The following FLNA variants were observed in gnomAD, a reference collection of about 807,000 sequenced individuals.
FLNA encodes the protein filamin A.
A neutral mutation model predicts 157.6 loss-of-function variants in FLNA; 7 were observed. The observed-to-expected ratio is 0.04, with a 90% CI of 0.03 to 0.08. FLNA has a LOEUF of 0.08. Among genes scored for constraint, FLNA ranks in the 10% least tolerant of loss-of-function variants. The pLI is 1.00. For missense variants in FLNA, 1,750 were observed against 2,398.4 expected, an observed-to-expected ratio of 0.73 and a Z score of 5.65; for synonymous variants, 1,103 against 1,060.8, an observed-to-expected ratio of 1.04 and a Z score of -0.77.
chrX:154,363,886 G>A (rs782266959), intron 15 of FLNA, 136 bp downstream of exon 15: 12 of 654,127 alleles, frequency 1.8e-5, no homozygotes, highest in Non-Finnish European at 2.5e-5. Context: ...AGCCACAGCA[G>A]AAAGCAGGTT....
At position 154,362,402 on chromosome X, in the gene FLNA, G is replaced by A; in HGVS notation, c.2565+16C>T. 8.3e-7 allele frequency: 1 copy of A among 1,211,305 alleles called. No individual in the cohort carries two copies. Among genetic ancestry groups the A allele is most frequent in the Non-Finnish European group, 1.1e-6 (1 of 895,099 alleles). On this transcript the variant is annotated intron_variant, in intron 17 of 47. Transcript: ENST00000369850. ...ATCCGCAATGACATCTTAGCGGCCA[G>A]GAGCGCAGCACCCACCTGGTCAGCA...
rs1557178305 is a variant in FLNA at position 154,362,570 on chromosome X, T to C, written c.2413A>G (p.Ser805Gly). 1 of 1,211,092 alleles carries C rather than the reference T, an allele frequency of 8.3e-7. No homozygotes were observed. The change falls in exon 17 of 48, where the codon AGC becomes GGC. Residue 805 changes from serine to glycine, a missense_variant. Ser to Gly is a moderately conservative substitution (Grantham distance 56). Coordinates refer to ENST00000369850, the MANE Select transcript of FLNA (RefSeq NM_001110556.2). ...CCAGGGGCACACTTGATGCCGATGC[T>C]GACGTCCCCTGCGGCGGGGAGAGGA... is the stretch of plus-strand genomic sequence containing the variant. Reference protein sequence around the residue: ...DCAEAGQGDVSIGIKCAPGVV... With the variant: ...DCAEAGQGDVGIGIKCAPGVV...
rs782563616 is a variant in FLNA at position 154,349,733 on chromosome X, T to C, written c.7468A>G (p.Met2490Val). ...GAGATGAGGTAGCTGCCAGGTGCCATGGGGGTATAGGTGACGCGGTAGCCC... is the reference window on the plus strand; with the variant it reads ...GAGATGAGGTAGCTGCCAGGTGCCACGGGGGTATAGGTGACGCGGTAGCCC... ...PEGYRVTYTP[M>V]APGSYLISIK... The change falls in exon 46 of 48, where the codon ATG (methionine) becomes GTG (valine). Residue 2490 changes from methionine to valine, a missense_variant. Around this residue, in one of 5 missense-constraint regions of FLNA, gnomAD observed 970 missense variants for 1,302.6 expected, o/e 0.74. Coordinates refer to ENST00000369850, the MANE Select transcript of FLNA (RefSeq NM_001110556.2). 9.9e-6 allele frequency: 12 copies of C among 1,210,330 alleles called. No homozygotes were observed. The highest frequency in any genetic ancestry group is 4.6e-4 in the Middle Eastern group (2 of 4,357).
chrX:154,354,567 A>G, intron 32 of FLNA, 49 bp downstream of exon 32: 3 of 1,175,722 alleles, frequency 2.6e-6, no homozygotes, highest in Non-Finnish European at 3.4e-6. Context: ...AGGGGCTCAC[A>G]GAACACCCAG....
rs202055800 is a variant in FLNA, at chrX:154,364,082, C to G, written c.2220G>C (p.Pro740=). 8.3e-7 allele frequency: 1 copy of G among 1,211,116 alleles called. No homozygotes were observed. The highest frequency in any genetic ancestry group is 1.1e-6 in the Non-Finnish European group (1 of 895,103). ...AGGACACCATGGCTGTGTGCTTCAC[C>G]GGCTTCCTGGGCACGTAGGAGCAGC... The part of the protein sequence containing the change: ...TYSCSYVPRK[P]VKHTAMVSWG... The change falls in exon 15 of 48, where the codon CCG becomes CCC. Residue 740 remains proline, a synonymous_variant. Coordinates refer to ENST00000369850, the MANE Select transcript of FLNA (RefSeq NM_001110556.2).
chrX:154,352,853 C>T lies in FLNA; in HGVS notation c.6298G>A (p.Gly2100Arg), dbSNP rs781785034. Residue 2100 changes from glycine (G) to arginine (R), a missense_variant, in exon 39 of 48, where the codon GGG (glycine) becomes AGG (arginine). Around this residue, in one of 5 missense-constraint regions of FLNA, gnomAD observed 970 missense variants for 1,302.6 expected, o/e 0.74. Transcript: ENST00000369850. ...VDINTEDLED[G>R]TCRVTYCPTE... ...GGGCAGTAGGTGACCCTGCACGTCCCGTCCTCCAGGTCCTCTGTGTTGATG... is the reference window on the plus strand; with the variant it reads ...GGGCAGTAGGTGACCCTGCACGTCCTGTCCTCCAGGTCCTCTGTGTTGATG... The T allele has an allele frequency of 8.3e-6, 10 of 1,210,274 alleles. No individual in the cohort carries two copies. The African/African-American group carries it at 8.7e-5, about 11-fold the overall frequency.
At position 154,366,006 on chromosome X, in the gene FLNA, A is replaced by T; in HGVS notation, c.1429+18T>A. 1 of 1,184,532 alleles carries T rather than the reference A, an allele frequency of 8.4e-7. No homozygotes were observed. The highest frequency in any genetic ancestry group is 1.1e-6 in the Non-Finnish European group (1 of 878,249). ...AGACTGCAGTGCCACAGCAGAGGGCAGTCAGGGCCGGGCCTACCTTGGCCA... is the reference window on the plus strand; with the variant it reads ...AGACTGCAGTGCCACAGCAGAGGGCTGTCAGGGCCGGGCCTACCTTGGCCA... On this transcript the variant is annotated intron_variant, in intron 9 of 47. Coordinates refer to ENST00000369850, the MANE Select transcript of FLNA (RefSeq NM_001110556.2).
chrX:154,367,310 C>A, intron 5 of FLNA, 87 bp downstream of exon 5: 1 of 1,047,075 alleles, frequency 9.6e-7, no homozygotes, highest in Non-Finnish European at 1.3e-6. Context: ...TAACCCAAGA[C>A]CCCTGGGGAC....
Position 154,365,361 on chromosome X carries a change from C to T in FLNA, c.1555G>A (p.Val519Met), listed in dbSNP as rs938952718. Residue 519 changes from valine to methionine, a missense_variant, in exon 10 of 48, where the codon GTG becomes ATG. This residue lies in a region of FLNA where 648 missense variants were observed against 805.8 expected (regional missense o/e 0.80). Transcript: ENST00000369850. Reference protein sequence around the residue: ...GAGSGELKVTVKGPKGEERVK... With the variant: ...GAGSGELKVTMKGPKGEERVK... ...CAGGCCAACTTACTGGGGCCCTTCA[C>T]GGTGACCTTCAGCTCCCCACTGCCA... 6 of 1,210,800 alleles carry T rather than the reference C, an allele frequency of 5.0e-6. No homozygotes were observed. The highest frequency in any genetic ancestry group is 2.3e-4 in the Middle Eastern group (1 of 4,355).
At chrX:154,367,347 T>A in intron 5 of FLNA, 50 bp downstream of exon 5, 5 of 1,187,287 alleles carry the variant, frequency 4.2e-6, no homozygotes, top group Non-Finnish European at 5.7e-6. Flanking sequence ...GACACTGTCT[T>A]ATGGGGAAGA....
Position 154,373,163 on chromosome X carries a change from G to A in FLNA, c.-117+1343C>T, listed in dbSNP as rs368526525. 3.6e-4 allele frequency among the ~76,000 whole-genome samples: 40 copies of A among 112,393 alleles called. No individual in the cohort carries two copies. In the East Asian group the frequency reaches 5.6e-3, roughly 16 times the overall value. On this transcript the variant is annotated intron_variant, in intron 1 of 47. Transcript: ENST00000369850. Reference sequence around the variant, plus strand: ...TCCCTGCACGGGCCCCATTCAAGACGGGCTTGAAGTTGTCCTTCTGGTCCC... The same window carrying A: ...TCCCTGCACGGGCCCCATTCAAGACAGGCTTGAAGTTGTCCTTCTGGTCCC...
intron 1 of FLNA, among the ~76,000 whole-genome samples, chrX:154,372,655 CCTCCCCATTGTGCA>C: frequency 9.0e-6 from 1 of 110,671 alleles, no homozygotes; most frequent in East Asian, 2.8e-4. Context: ...CCTATGGCTT[CCTCCCCATTGTGCA>C]CTCCCCTCCC....
rs1557178637 is a variant in FLNA at position 154,364,138 on chromosome X, A to G, written c.2164T>C (p.Leu722=). The G allele has an allele frequency of 2.5e-6, 3 of 1,210,861 alleles. No individual in the cohort carries two copies. The highest frequency in any genetic ancestry group is 2.2e-5 in the Admixed American group (1 of 46,024). ...QDNEGCPVEA[L]VKDNGNGTYS... The stretch of plus-strand genomic sequence containing the variant: ...GTGCCATTGCCGTTGTCCTTGACCA[A>G]CGCCTCCACAGGGCAGCCTTCATTG... Residue 722 remains leucine, a synonymous_variant, in exon 15 of 48, where the codon TTG becomes CTG. Transcript: ENST00000369850.
rs782754461 is a variant in FLNA at position 154,350,915 on chromosome X, C to T, written c.7150G>A (p.Asp2384Asn). Residue 2384 changes from aspartate (D) to asparagine (N), a missense_variant, in exon 44 of 48, where the codon GAC (aspartate) becomes AAC (asparagine). Coordinates refer to ENST00000369850, the MANE Select transcript of FLNA (RefSeq NM_001110556.2). ...ALEECYVTEI[D>N]QDKYAVRFIP... ...GGCAGGGACAGGGCCTCACCTTGGT[C>T]AATTTCTGTGACATAGCACTCCTCC... The T allele has an allele frequency of 1.7e-6, 2 of 1,211,523 alleles. 1 individual carries two copies. Among genetic ancestry groups the T allele is most frequent in the Non-Finnish European group, 2.2e-6 (2 of 895,192 alleles).
At chrX:154,366,913 C>G in intron 5 of FLNA, 63 bp from the exon 6 acceptor site, 1 of 896,957 alleles carries the variant, frequency 1.1e-6, no homozygotes, top group Non-Finnish European at 1.6e-6. Flanking sequence ...ACCCCTCCAC[C>G]CTTCAGCCCT....
At position 154,371,214 on chromosome X, in the gene FLNA, C is replaced by G; in HGVS notation, c.32G>C (p.Ser11Thr). MSSSHSRAGQ[S>T]AAGAAPGGGV... ...GCCGCCCGGAGCCGCGCCTGCTGCG[C>G]TCTGGCCCGCCCGAGAGTGGGAGCT... The change falls in exon 2 of 48, where the codon AGC (serine) becomes ACC (threonine). Residue 11 changes from serine (S) to threonine (T), a missense_variant. By Grantham distance (58) the Ser-to-Thr change is moderately conservative. Transcript: ENST00000369850. 1 of 1,199,826 alleles carries G rather than the reference C, an allele frequency of 8.3e-7. No individual in the cohort carries two copies. The highest frequency in any genetic ancestry group is 3.0e-5 in the East Asian group (1 of 33,463).
chrX:154,362,559 G>T lies in FLNA; in HGVS notation c.2424C>A (p.Ile808=), dbSNP rs782348851. The change falls in exon 17 of 48, where the codon ATC becomes ATA. Residue 808 remains isoleucine (I), a synonymous_variant. Transcript: ENST00000369850. ...EAGQGDVSIG[I]KCAPGVVGPA... is the part of the protein sequence containing the mutation. ...GGCCTACCACTCCAGGGGCACACTT[G>T]ATGCCGATGCTGACGTCCCCTGCGG... is the stretch of plus-strand genomic sequence containing the variant. The T allele has an allele frequency of 8.3e-7, 1 of 1,211,355 alleles. No homozygotes were observed. Among genetic ancestry groups the T allele is most frequent in the Middle Eastern group, 2.3e-4 (1 of 4,354 alleles).
intron 21 of FLNA, among the ~76,000 whole-genome samples, chrX:154,360,827 A>G (rs985901018): frequency 9.1e-6 from 1 of 109,894 alleles, no homozygotes; most frequent in Admixed American, 9.7e-5. Flanking sequence ...TGGGTGGATC[A>G]CCTGAGGTCA....
chrX:154,350,975 T>A lies in FLNA; in HGVS notation c.7090A>T (p.Ile2364Phe). Residue 2364 changes from isoleucine to phenylalanine, a missense_variant, in exon 44 of 48, where the codon ATC becomes TTC. Ile to Phe is a conservative substitution (Grantham distance 21). Transcript: ENST00000369850. ...GAGGGGCTGTGCACCTTGGCATCGA[T>A]CGCCCCCTTGGCCCCGTTCAGGCTG... ...AVSLNGAKGA[I>F]DAKVHSPSGA... is the part of the protein sequence containing the mutation. The A allele has an allele frequency of 2.5e-6, 3 of 1,211,073 alleles. No individual in the cohort carries two copies. The highest frequency in any genetic ancestry group is 3.4e-6 in the Non-Finnish European group (3 of 894,892).
Sources: allele counts gnomAD v4.1 joint callset (sites outside exome capture counted in the v4.1 genomes callset), GRCh38; gene constraint gnomAD v4.1.1; regional missense constraint gnomAD v4.1.1; transcripts MANE v1.5; gene names NCBI Gene and HGNC (gene_info 2026-07-23, HGNC 2026-07-21).